The following UPF2 variants were observed in gnomAD, a reference collection of about 807,000 sequenced individuals.
UPF2 encodes the protein regulator of nonsense transcripts 2.
In UPF2, 17 loss-of-function variants were observed where a neutral mutation model predicts 141.4. The observed-to-expected ratio is 0.12, with a 90% CI of 0.08 to 0.18. The LOEUF (loss-of-function observed/expected upper bound fraction) is 0.18. Ranked by LOEUF, UPF2 falls within the 10% of genes least tolerant of loss-of-function variation. UPF2 has a pLI of 1.00. For synonymous variants in UPF2, 540 were observed against 498.0 expected, an observed-to-expected ratio of 1.08 and a Z score of -1.12; for missense variants, 1,152 against 1,515.9, an observed-to-expected ratio of 0.76 and a Z score of 3.99.
rs1833157537 is a variant in UPF2 at position 11,956,747 on chromosome 10, A to T, written c.2371-224T>A. Among the ~76,000 whole-genome samples, 1 of 152,198 alleles carries T rather than the reference A, an allele frequency of 6.6e-6. No homozygotes were observed. Among genetic ancestry groups the T allele is most frequent in the African/African-American group, 2.4e-5 (1 of 41,454 alleles). ...CTTCCATAGTGCTCTCAAATTTTCT[A>T]GAGTTTTCAGGTCTTCAATCTAGGT... On this transcript the variant is annotated intron_variant, in intron 12 of 21. Transcript: ENST00000357604. The surrounding 1 kb of genome is among the most constrained non-coding windows in gnomAD (Gnocchi z 4.2).
intron 9 of UPF2, among the ~76,000 whole-genome samples, chr10:11,968,588 T>C (rs1476184582): frequency 6.8e-6 from 1 of 147,864 alleles, no homozygotes; most frequent in Non-Finnish European, 1.5e-5. Flanking sequence ...AAAGAGCCAA[T>C]ATAATCACTG....
intron 16 of UPF2, among the ~76,000 whole-genome samples, chr10:11,943,483 G>T (rs139160985): frequency 6.6e-6 from 1 of 152,294 alleles, no homozygotes; most frequent in African/African-American, 2.4e-5. Flanking sequence ...CAAATCTGGA[G>T]AGGCTGAATG....
chr10:11,990,295 A>G (rs1367322241), intron 8 of UPF2, among the ~76,000 whole-genome samples: 1 of 152,246 alleles, frequency 6.6e-6, no homozygotes, highest in African/African-American at 2.4e-5. Context: ...TATTCCTGAC[A>G]TACAACAAAT....
chr10:12,002,437 A>G (rs370663597), intron 5 of UPF2, among the ~76,000 whole-genome samples: 1 of 152,176 alleles, frequency 6.6e-6, no homozygotes, highest in South Asian at 2.1e-4. Context: ...ATGAGGGGGA[A>G]AAAAGGCTGA....
chr10:12,004,651 A>T lies in UPF2; in HGVS notation c.1383T>A (p.Asp461Glu), dbSNP rs867215928. ...TCTCATAAAAATTCCGAGCATCTTCATCTTCCCATATACCACCTTCCAAGT... is the reference window on the plus strand; with the variant it reads ...TCTCATAAAAATTCCGAGCATCTTCTTCTTCCCATATACCACCTTCCAAGT... ...EYDLEGGIWE[D>E]EDARNFYENL... Residue 461 changes from aspartate (D) to glutamate (E), a missense_variant, in exon 5 of 22, where the codon GAT becomes GAA. By Grantham distance (45) the Asp-to-Glu change is conservative (BLOSUM62 2). Transcript: ENST00000357604. 2 of 1,613,900 alleles carry T rather than the reference A, an allele frequency of 1.2e-6. No individual in the cohort carries two copies. The highest frequency in any genetic ancestry group is 1.7e-4 in the Middle Eastern group (1 of 6,058).
intron 4 of UPF2, among the ~76,000 whole-genome samples, chr10:12,008,368 T>C (rs995394014): frequency 1.3e-5 from 2 of 152,076 alleles, no homozygotes; most frequent in Admixed American, 6.6e-5. Flanking sequence ...CAGTGGCTCA[T>C]ACCTGTAATC....
intron 4 of UPF2, among the ~76,000 whole-genome samples, chr10:12,007,869 A>AATAATT (rs1554782134): frequency 6.9e-6 from 1 of 145,144 alleles, no homozygotes; most frequent in Non-Finnish European, 1.5e-5. Flanking sequence ...TAATAATAAT[A>AATAATT]ATTTCCTTAA....
intron 9 of UPF2, among the ~76,000 whole-genome samples, chr10:11,971,263 T>C (rs1039055974): frequency 3.3e-5 from 5 of 151,602 alleles, no homozygotes; most frequent in Non-Finnish European, 5.9e-5. Flanking sequence ...TCTTTCTTTT[T>C]TTTTTTTTTT....
intron 1 of UPF2, among the ~76,000 whole-genome samples, chr10:12,038,380 A>T (rs910082549): frequency 4.6e-5 from 3 of 65,690 alleles, no homozygotes; most frequent in African/African-American, 1.6e-4. Flanking sequence ...ACTCCATCTC[A>T]CACACACACA....
At chr10:11,989,934 G>A (rs1833752151) in intron 8 of UPF2, among the ~76,000 whole-genome samples, 1 of 152,136 alleles carries the variant, frequency 6.6e-6, no homozygotes, top group Non-Finnish European at 1.5e-5. Context: ...GAGGTTTGTT[G>A]TTCCTCCAAC....
At chr10:11,971,019 T>C (rs771287154) in intron 9 of UPF2, among the ~76,000 whole-genome samples, 7 of 152,148 alleles carry the variant, frequency 4.6e-5, no homozygotes, top group African/African-American at 1.7e-4. Flanking sequence ...TAACATCCTG[T>C]ATCATCCACA....
Position 11,967,362 on chromosome 10 carries a change from A to C in UPF2, c.2046T>G (p.Asn682Lys), listed in dbSNP as rs140627768. The stretch of plus-strand genomic sequence containing the variant: ...TAACCTTTAAACAATGCAGTGTGTC[A>C]TTTTTGGTGAACATCTTAAACTTAG... ...ELTKFKMFTK[N>K]DTLHCLKMLL... is the part of the protein sequence containing the mutation. Residue 682 changes from asparagine (N) to lysine (K), a missense_variant, in exon 10 of 22, where the codon AAT becomes AAG. Coordinates refer to ENST00000357604, the MANE Select transcript of UPF2 (RefSeq NM_015542.4). 3.2e-6 allele frequency: 5 copies of C among 1,579,786 alleles called. No homozygotes were observed. In the Middle Eastern group the frequency reaches 5.0e-4, roughly 159 times the overall value.
rs1237833656 is a variant in UPF2 at position 11,942,766 on chromosome 10, T to C, written c.3280-3A>G. ...CCACCGCCTTTAATCATTACCTCCT[T>C]ATTAAAACAAAACAACAAAATCAGA... On this transcript the variant is annotated splice_region_variant and splice_polypyrimidine_tract_variant and intron_variant, in intron 17 of 21. Transcript: ENST00000357604. 5.0e-6 allele frequency: 8 copies of C among 1,612,122 alleles called. No homozygotes were observed. Among genetic ancestry groups the C allele is most frequent in the Non-Finnish European group, 6.8e-6 (8 of 1,179,146 alleles).
chr10:12,008,249 T>C (rs1834068074), intron 4 of UPF2, among the ~76,000 whole-genome samples: 1 of 152,082 alleles, frequency 6.6e-6, no homozygotes, highest in African/African-American at 2.4e-5. Context: ...ATAATACATT[T>C]ATAAAACAGC....
intron 9 of UPF2, among the ~76,000 whole-genome samples, chr10:11,974,720 G>T (rs1217898291): frequency 1.3e-5 from 2 of 152,158 alleles, no homozygotes; most frequent in African/African-American, 4.8e-5. Flanking sequence ...GCATCCCAGG[G>T]ATGAAGCCCA....
At chr10:11,928,155 G>A (rs1276210129) in intron 21 of UPF2, among the ~76,000 whole-genome samples, 1 of 152,178 alleles carries the variant, frequency 6.6e-6, no homozygotes, top group Non-Finnish European at 1.5e-5. Flanking sequence ...GGCCAACATG[G>A]TGAAACCCCA....
chr10:11,930,328 T>C (rs1436271138), intron 20 of UPF2, among the ~76,000 whole-genome samples: 1 of 152,244 alleles, frequency 6.6e-6, no homozygotes, highest in Non-Finnish European at 1.5e-5. Flanking sequence ...TGTCACTTTC[T>C]AGCTGTGAGA....
intron 5 of UPF2, among the ~76,000 whole-genome samples, chr10:12,003,780 C>T (rs1447838585): frequency 6.6e-6 from 1 of 152,026 alleles, no homozygotes; most frequent in East Asian, 1.9e-4. Context: ...ACAAAATTAG[C>T]CAGGCATGGC....
In UPF2 at chr10:11,929,715, T is replaced by C. The variant is rs566125843; in HGVS notation, c.3809+150A>G. 162 of 1,121,598 alleles carry C rather than the reference T, an allele frequency of 1.4e-4. 2 individuals carry two copies. The South Asian group carries it at 2.6e-3, about 18-fold the overall frequency. The allele number at this position is 1,121,598 out of a possible 1,614,324, so 69.5% of individuals were successfully genotyped here. On this transcript the variant is annotated intron_variant, in intron 21 of 21. Coordinates refer to ENST00000357604, the MANE Select transcript of UPF2 (RefSeq NM_015542.4). ...AAAGCAGGTTTTTCCCCCTCAAATATCTACTTTTCTATTTTGCTAAAATAT... is the reference window on the plus strand; with the variant it reads ...AAAGCAGGTTTTTCCCCCTCAAATACCTACTTTTCTATTTTGCTAAAATAT...
Sources: allele counts gnomAD v4.1 joint callset (sites outside exome capture counted in the v4.1 genomes callset), GRCh38; gene constraint gnomAD v4.1.1; non-coding constraint Gnocchi (gnomAD v3.1); transcripts MANE v1.5; gene names NCBI Gene and HGNC (gene_info 2026-07-23, HGNC 2026-07-21).